Variants in NBEA observed in about 807,000 individuals in gnomAD.
The protein encoded by NBEA is lysosomal-trafficking regulator 2.
A neutral mutation model predicts 343.4 loss-of-function variants in NBEA; 44 were observed. That is an observed-to-expected ratio of 0.13 (90% CI 0.10 to 0.16). The LOEUF (loss-of-function observed/expected upper bound fraction) is 0.16, where lower values mean the gene tolerates loss of function less well. Among genes scored for constraint, NBEA ranks in the 10% least tolerant of loss-of-function variants. The pLI is 1.00. For missense variants in NBEA, 2,555 were observed against 3,631.3 expected (o/e 0.70, Z 7.62); for synonymous variants, 1,175 against 1,238.7 (o/e 0.95, Z 1.08).
At chr13:35,618,593 G>A (rs151008869) in intron 48 of NBEA, among the ~76,000 whole-genome samples, 7 of 152,244 alleles carry the variant, frequency 4.6e-5, no homozygotes, top group Non-Finnish European at 2.9e-5. Flanking sequence ...GACACATTTA[G>A]TAGACATTTC....
At chr13:35,598,698 CT>C (rs2081916964) in intron 47 of NBEA, among the ~76,000 whole-genome samples, 1 of 152,188 alleles carries the variant, frequency 6.6e-6, no homozygotes, top group Admixed American at 6.5e-5. Context: ...GTGAATCACT[CT>C]GTGTAGCTGA....
chr13:35,201,894 T>C (rs2073048082), intron 31 of NBEA, among the ~76,000 whole-genome samples: 1 of 152,106 alleles, frequency 6.6e-6, no homozygotes, highest in Non-Finnish European at 1.5e-5. Flanking sequence ...CTGCCCTCAC[T>C]ATTTCCATGT....
At position 35,271,078 on chromosome 13, in the gene NBEA, T is replaced by A. The variant is rs146462957; in HGVS notation, c.5777-19311T>A. 1.2e-3 allele frequency among the ~76,000 whole-genome samples: 182 copies of A among 152,316 alleles called. 4 individuals carry two copies. The East Asian group carries it at 0.034, about 29-fold the overall frequency. ...GTCCCTGACCCCCATGTAGCCTGAC[T>A]GGGAGGCATCTCCCAGTAGGGGCCT... is the stretch of plus-strand genomic sequence containing the variant. On this transcript the variant is annotated intron_variant, in intron 34 of 58. Coordinates refer to ENST00000379939, the MANE Select transcript of NBEA (RefSeq NM_001385012.1).
intron 35 of NBEA, 27 bp from the exon 36 acceptor site, chr13:35,309,501 C>T (rs773971969): frequency 4.1e-6 from 6 of 1,468,750 alleles, no homozygotes; most frequent in East Asian, 2.3e-5. Context: ...TCACTTTTCT[C>T]ACGTTTGTTT....
intron 39 of NBEA, among the ~76,000 whole-genome samples, chr13:35,433,331 T>C (rs2045239273): frequency 6.6e-6 from 1 of 152,062 alleles, no homozygotes; most frequent in Non-Finnish European, 1.5e-5. Context: ...GTCCATGTGT[T>C]TGTTATCCAC....
chr13:35,212,102 C>A (rs779080263), intron 33 of NBEA, among the ~76,000 whole-genome samples: 1 of 152,042 alleles, frequency 6.6e-6, no homozygotes, highest in African/African-American at 2.4e-5. Context: ...TGAACACACT[C>A]ATCATCAACA....
chr13:35,334,022 C>T (rs2039090795), intron 36 of NBEA, among the ~76,000 whole-genome samples: 1 of 151,736 alleles, frequency 6.6e-6, no homozygotes, highest in South Asian at 2.1e-4. Context: ...GTAGATAACT[C>T]TTCCGTAGAT....
intron 1 of NBEA, among the ~76,000 whole-genome samples, chr13:34,999,358 T>A (rs186623696): frequency 1.2e-4 from 19 of 152,212 alleles, no homozygotes; most frequent in South Asian, 8.3e-4. Context: ...AATAAAAAAA[T>A]TTTGTTTTCT....
chr13:35,337,318 G>T (rs566056771), intron 36 of NBEA, among the ~76,000 whole-genome samples: 1 of 152,068 alleles, frequency 6.6e-6, no homozygotes, highest in South Asian at 2.1e-4. Context: ...ATTTTAAAAC[G>T]TATTCCATAC....
At chr13:35,495,433 C>G (rs75382838) in intron 41 of NBEA, among the ~76,000 whole-genome samples, 7,372 of 151,944 alleles carry the variant, frequency 0.049, 434 homozygotes, top group East Asian at 0.2. Context: ...TTGGAAACTT[C>G]AATACCCCGC....
intron 38 of NBEA, among the ~76,000 whole-genome samples, chr13:35,409,676 T>C (rs1208547349): frequency 6.6e-6 from 1 of 152,054 alleles, no homozygotes; most frequent in Non-Finnish European, 1.5e-5. Flanking sequence ...AATAAGTAAA[T>C]TTGGAGTAAA....
intron 1 of NBEA, among the ~76,000 whole-genome samples, chr13:34,985,290 AGAT>A (rs2060505032): frequency 6.6e-6 from 1 of 150,994 alleles, no homozygotes; most frequent in Non-Finnish European, 1.5e-5. Flanking sequence ...ACGTCTGTTG[AGAT>A]AATCATGTGG....
chr13:35,154,437 G>T (rs2069012647), intron 18 of NBEA, among the ~76,000 whole-genome samples: 1 of 152,034 alleles, frequency 6.6e-6, no homozygotes, highest in African/African-American at 2.4e-5. Flanking sequence ...AGCTAAACAG[G>T]AAATTAAATC....
chr13:35,023,444 A>G (rs756863276), intron 1 of NBEA, among the ~76,000 whole-genome samples: 1 of 152,156 alleles, frequency 6.6e-6, no homozygotes, highest in Non-Finnish European at 1.5e-5. Flanking sequence ...TGTGTCCTGT[A>G]TAAGTTATAT....
intron 48 of NBEA, among the ~76,000 whole-genome samples, chr13:35,619,258 G>A (rs899588240): frequency 9.9e-5 from 15 of 151,960 alleles, no homozygotes; most frequent in African/African-American, 3.1e-4. Context: ...TGTTAGCCAT[G>A]TGTTGTGCTG....
intron 7 of NBEA, among the ~76,000 whole-genome samples, chr13:35,058,372 G>A (rs1332535076): frequency 6.6e-6 from 1 of 151,954 alleles, no homozygotes; most frequent in Non-Finnish European, 1.5e-5. Flanking sequence ...CTCCATATAT[G>A]GATCATTATA....
intron 34 of NBEA, among the ~76,000 whole-genome samples, chr13:35,254,560 A>C (rs1247135185): frequency 3.3e-5 from 5 of 151,992 alleles, no homozygotes; most frequent in Non-Finnish European, 7.4e-5. Context: ...GGGCTCAAGC[A>C]GTCCTTCCAC....
At chr13:35,204,142 C>T (rs2073211824) in intron 31 of NBEA, among the ~76,000 whole-genome samples, 1 of 152,104 alleles carries the variant, frequency 6.6e-6, no homozygotes. Flanking sequence ...GCTCTGTTTC[C>T]TGTCAGATCA....
chr13:35,579,619 T>C (rs1414773864), intron 45 of NBEA, among the ~76,000 whole-genome samples: 1 of 152,140 alleles, frequency 6.6e-6, no homozygotes, highest in Non-Finnish European at 1.5e-5. Context: ...ATCTAAACAG[T>C]TGTTTTAAAA....
Sources: allele counts gnomAD v4.1 joint callset (sites outside exome capture counted in the v4.1 genomes callset), GRCh38; gene constraint gnomAD v4.1.1; transcripts MANE v1.5; gene names NCBI Gene and HGNC (gene_info 2026-07-23, HGNC 2026-07-21).